The following SYT9 variants were observed in gnomAD, a reference collection of about 807,000 sequenced individuals.
SYT9 encodes synaptotagmin-9.
A neutral mutation model predicts 48.4 loss-of-function variants in SYT9; 22 were observed. The ratio of observed to expected loss-of-function variants is 0.45; its 90% CI spans 0.32 to 0.65. The LOEUF (loss-of-function observed/expected upper bound fraction) is 0.65, where lower values mean the gene tolerates loss of function less well. Ranked by LOEUF, SYT9 falls within the 30% of genes least tolerant of loss-of-function variation. The pLI, the probability that SYT9 is intolerant of heterozygous loss-of-function variation, is 0.03. For missense variants in SYT9, 577 were observed against 622.0 expected (o/e 0.93, Z 0.77); for synonymous variants, 265 against 245.0 (o/e 1.08, Z -0.76).
At chr11:7,309,527 C>T (rs1478999477) in intron 2 of SYT9, among the ~76,000 whole-genome samples, 1 of 152,180 alleles carries the variant, frequency 6.6e-6, no homozygotes, top group African/African-American at 2.4e-5. Flanking sequence ...CTGGGAGCCT[C>T]GCATTTACTG....
intron 6 of SYT9, chr11:7,457,783 A>G (rs905073202): frequency 2.0e-5 from 3 of 152,222 alleles, no homozygotes; most frequent in Non-Finnish European, 4.4e-5. Flanking sequence ...AAAGGTCTTT[A>G]TAAGAGACTT....
chr11:7,272,387 C>A (rs1049197421), intron 1 of SYT9, among the ~76,000 whole-genome samples: 1 of 152,112 alleles, frequency 6.6e-6, no homozygotes, highest in East Asian at 1.9e-4. Context: ...TTTCCTCCAC[C>A]CACCTTCTAG....
chr11:7,289,138 G>A (rs1848652890), intron 1 of SYT9, among the ~76,000 whole-genome samples: 1 of 152,310 alleles, frequency 6.6e-6, no homozygotes, highest in African/African-American at 2.4e-5. Context: ...CATTTGAGAT[G>A]TGCTGCAGAC....
In SYT9 at chr11:7,332,240, T is replaced by C. The variant is rs544621718; in HGVS notation, c.1044+18299T>C. 1.9e-3 allele frequency among the ~76,000 whole-genome samples: 295 copies of C among 152,310 alleles called. 2 individuals are homozygous for C. Among genetic ancestry groups the C allele is most frequent in the Non-Finnish European group, 3.1e-3 (208 of 68,020 alleles). ...AGAGCACCACTGAGGTATCCCACCC[T>C]GAGACGAGGGGGCCGCCGTTTTACC... On this transcript the variant is annotated intron_variant, in intron 3 of 6. Transcript: ENST00000318881.
At chr11:7,438,108 T>A (rs1476617225) in intron 6 of SYT9, 1 of 152,180 alleles carries the variant, frequency 6.6e-6, no homozygotes, top group African/African-American at 2.4e-5. Flanking sequence ...GTCAATCATA[T>A]AATTGGTGGT....
At chr11:7,372,687 A>G (rs1293040646) in intron 3 of SYT9, among the ~76,000 whole-genome samples, 1 of 151,988 alleles carries the variant, frequency 6.6e-6, no homozygotes, top group Non-Finnish European at 1.5e-5. Context: ...TTATATACTT[A>G]TTCTTAGCCA....
intron 6 of SYT9, among the ~76,000 whole-genome samples, chr11:7,454,806 G>C (rs1848117561): frequency 6.6e-6 from 1 of 152,138 alleles, no homozygotes; most frequent in Admixed American, 6.5e-5. Flanking sequence ...AGGATGAGGA[G>C]ATGTGTGAAG....
chr11:7,308,521 C>T (rs954270805), intron 2 of SYT9, among the ~76,000 whole-genome samples: 3 of 152,158 alleles, frequency 2.0e-5, no homozygotes, highest in Admixed American at 2.0e-4. Flanking sequence ...AGCTGAAAGT[C>T]CCATTCTGCT....
chr11:7,436,257 G>A (rs1474476893), intron 6 of SYT9, among the ~76,000 whole-genome samples: 3 of 152,168 alleles, frequency 2.0e-5, no homozygotes, highest in African/African-American at 7.2e-5. Context: ...AGGATAGTAG[G>A]TTACCTATAA....
At chr11:7,260,362 G>T (rs1848056141) in intron 1 of SYT9, among the ~76,000 whole-genome samples, 1 of 152,142 alleles carries the variant, frequency 6.6e-6, no homozygotes, top group Non-Finnish European at 1.5e-5. Flanking sequence ...CTAGTTGGTG[G>T]GAAGAGCATT....
At chr11:7,248,821 A>C (rs141999488), upstream of SYT9, among the ~76,000 whole-genome samples, 324 of 152,338 alleles carry the variant, frequency 2.1e-3, 6 homozygotes, top group East Asian at 0.05. Context: ...TCATAAAATT[A>C]CAAAAAACAA....
At chr11:7,370,938 G>C (rs192403397) in intron 3 of SYT9, among the ~76,000 whole-genome samples, 1 of 152,242 alleles carries the variant, frequency 6.6e-6, no homozygotes, top group East Asian at 1.9e-4. Context: ...AAATCCCTTT[G>C]TAACATCTAA....
At chr11:7,306,650 T>C (rs1217062946) in intron 2 of SYT9, among the ~76,000 whole-genome samples, 1 of 152,170 alleles carries the variant, frequency 6.6e-6, no homozygotes, top group Non-Finnish European at 1.5e-5. Context: ...TTTTTTGTCC[T>C]TCTTGGGACC....
At chr11:7,360,625 G>A (rs1461874145) in intron 3 of SYT9, among the ~76,000 whole-genome samples, 1 of 152,092 alleles carries the variant, frequency 6.6e-6, no homozygotes, top group African/African-American at 2.4e-5. Flanking sequence ...TTGTGAATGG[G>A]AGTTCACTCA....
At chr11:7,361,442 C>T (rs1344388769) in intron 3 of SYT9, among the ~76,000 whole-genome samples, 1 of 152,098 alleles carries the variant, frequency 6.6e-6, no homozygotes, top group Non-Finnish European at 1.5e-5. Flanking sequence ...TACTTTGTAG[C>T]CTTGTATATA....
chr11:7,256,590 T>A (rs10839750), intron 1 of SYT9, among the ~76,000 whole-genome samples: 79,817 of 151,872 alleles, frequency 0.53, 21,158 homozygotes, highest in Admixed American at 0.56. Flanking sequence ...TCAATGAAAA[T>A]TTTCTAGGTG....
rs567679767 is a variant in SYT9, at chr11:7,342,110, G to A, written c.1044+28169G>A. ...CCCAGCATGTGGAAATTATGGGAGC[G>A]ACAATTCAAGATGAGATTTGAGAGG... On this transcript the variant is annotated intron_variant, in intron 3 of 6. Transcript: ENST00000318881. Among the ~76,000 whole-genome samples, 16 of 152,162 alleles carry A rather than the reference G, an allele frequency of 1.1e-4. 1 individual carries two copies. The highest frequency in any genetic ancestry group is 5.8e-4 in the East Asian group (3 of 5,170).
intron 3 of SYT9, among the ~76,000 whole-genome samples, chr11:7,392,704 A>G (rs1316818782): frequency 6.6e-6 from 1 of 152,190 alleles, no homozygotes; most frequent in Non-Finnish European, 1.5e-5. Context: ...CCATATGGAC[A>G]TTTTAACAAT....
At chr11:7,304,955 A>G (rs543833285) in intron 2 of SYT9, among the ~76,000 whole-genome samples, 8 of 152,270 alleles carry the variant, frequency 5.3e-5, no homozygotes, top group South Asian at 2.1e-4. Context: ...AGTTCCTCCA[A>G]TATATGGTGG....
Sources: allele counts gnomAD v4.1 joint callset (sites outside exome capture counted in the v4.1 genomes callset), GRCh38; gene constraint gnomAD v4.1.1; transcripts MANE v1.5; gene names NCBI Gene and HGNC (gene_info 2026-07-23, HGNC 2026-07-21).